The following PPOX variants were observed in gnomAD, a reference collection of about 807,000 sequenced individuals.
PPOX encodes protoporphyrinogen oxidase.
A neutral mutation model predicts 54.1 loss-of-function variants in PPOX; 23 were observed. That is an observed-to-expected ratio of 0.43 (90% CI 0.31 to 0.60). PPOX has a LOEUF of 0.60. PPOX is among the 20% of genes least tolerant of loss of function. The pLI is 0.13. For missense variants in PPOX, 512 were observed against 601.1 expected, an observed-to-expected ratio of 0.85 and a Z score of 1.55; for synonymous variants, 224 against 236.1, an observed-to-expected ratio of 0.95 and a Z score of 0.47.
chr1:161,166,680 C>G lies in PPOX; in HGVS notation c.-9+8C>G. ...CATCCCTACCTATTGTGGGTGAGTC[C>G]TGGCCCCTGGACGGGGACCTCGCTG... On this transcript the variant is annotated splice_region_variant and intron_variant, in intron 1 of 12. Transcript: ENST00000367999. The G allele has an allele frequency of 6.6e-7, 1 of 1,514,024 alleles. No homozygotes were observed. The highest frequency in any genetic ancestry group is 8.8e-7 in the Non-Finnish European group (1 of 1,135,426). 93.8% of individuals were successfully genotyped at this position (1,514,024 alleles called of 1,614,324 possible).
chr1:161,166,844 C>T lies in PPOX; in HGVS notation c.-4C>T, dbSNP rs1342503532. 6.2e-7 allele frequency: 1 copy of T among 1,613,288 alleles called. No homozygotes were observed. Among genetic ancestry groups the T allele is most frequent in the Admixed American group, 1.7e-5 (1 of 60,030 alleles). Reference sequence around the variant, plus strand: ...ATATCGCCCCCTTTCCCCCAGGTTTCCGCATGGGCCGGACCGTGGTCGTGC... The same window carrying T: ...ATATCGCCCCCTTTCCCCCAGGTTTTCGCATGGGCCGGACCGTGGTCGTGC... On this transcript the variant is annotated 5_prime_UTR_variant, in exon 2 of 13. Coordinates refer to ENST00000367999, the MANE Select transcript of PPOX (RefSeq NM_001122764.3).
chr1:161,170,904 C>T lies in PPOX; in HGVS notation c.1249-3C>T, dbSNP rs1369398927. On this transcript the variant is annotated splice_region_variant and splice_polypyrimidine_tract_variant and intron_variant, in intron 11 of 12. Coordinates refer to ENST00000367999, the MANE Select transcript of PPOX (RefSeq NM_001122764.3). ...TTCCCTGCATCCTCTCCTCTCTTCT[C>T]AGAACTGCATTCCCCAGTATACACT... 6.2e-7 allele frequency: 1 copy of T among 1,614,120 alleles called. No homozygotes were observed. Among genetic ancestry groups the T allele is most frequent in the Non-Finnish European group, 8.5e-7 (1 of 1,180,042 alleles).
At chr1:161,168,392 G>A in intron 5 of PPOX, 40 bp from the exon 6 acceptor site, 1 of 1,613,916 alleles carries the variant, frequency 6.2e-7, no homozygotes, top group Non-Finnish European at 8.5e-7. Flanking sequence ...AGTCAGTGTA[G>A]ATTATTTTTT....
chr1:161,172,149 T>G, downstream of PPOX: 1 of 1,611,888 alleles, frequency 6.2e-7, no homozygotes, highest in Non-Finnish European at 8.5e-7. Context: ...TCTAGGGACC[T>G]TTAGGATTTT....
At position 161,170,950 on chromosome 1, in the gene PPOX, G is replaced by A; in HGVS notation, c.1291+1G>A. The A allele has an allele frequency of 6.2e-7, 1 of 1,614,080 alleles. No individual in the cohort carries two copies. The highest frequency in any genetic ancestry group is 8.5e-7 in the Non-Finnish European group (1 of 1,180,038). On this transcript the variant is annotated splice_donor_variant, in intron 12 of 12. Coordinates refer to ENST00000367999, the MANE Select transcript of PPOX (RefSeq NM_001122764.3). LOFTEE classifies it high-confidence loss of function. ...ACACTAGGTCACTGGCAAAAACTAG[G>A]TAAGTTGGGAAAACAGCTGGGCTGA...
At chr1:161,175,143 C>A (rs1398551103), downstream of PPOX, 6 of 1,613,862 alleles carry the variant, frequency 3.7e-6, no homozygotes, top group South Asian at 1.1e-5. Context: ...CAGGGCGGTA[C>A]CGGCCCCCTG....
chr1:161,172,182 T>G (rs766921603), downstream of PPOX: 1 of 1,612,810 alleles, frequency 6.2e-7, no homozygotes, highest in Non-Finnish European at 8.5e-7. Flanking sequence ...TACAGAACCC[T>G]GAGGATCCAG....
At position 161,168,995 on chromosome 1, in the gene PPOX, C is replaced by T. The variant is rs760409720; in HGVS notation, c.619C>T (p.Arg207Trp). The change falls in exon 7 of 13, where the codon CGG (arginine) becomes TGG (tryptophan). Residue 207 changes from arginine to tryptophan, a missense_variant and splice_region_variant. Arg to Trp is a moderately radical substitution (Grantham distance 101). Transcript: ENST00000367999. ...ATTCTTCTTTGCTTCCTCTGCAGGGCGGACCCCACAGCCAGACTCAGCACT... is the reference window on the plus strand; with the variant it reads ...ATTCTTCTTTGCTTCCTCTGCAGGGTGGACCCCACAGCCAGACTCAGCACT... Reference protein sequence around the residue: ...ILLGLLLGAGRTPQPDSALIR... With the variant: ...ILLGLLLGAGWTPQPDSALIR... 25 of 1,613,818 alleles carry T rather than the reference C, an allele frequency of 1.5e-5. No individual in the cohort carries two copies. Among genetic ancestry groups the T allele is most frequent in the Admixed American group, 3.3e-5 (2 of 60,016 alleles).
intron 2 of PPOX, 21 bp from the exon 3 acceptor site, chr1:161,167,079 G>C: frequency 4.3e-6 from 7 of 1,614,198 alleles, no homozygotes; most frequent in Non-Finnish European, 5.9e-6. Context: ...GTGCTGCAGT[G>C]TCTCTCCCTC....
At chr1:161,174,856 C>T (rs765190269), downstream of PPOX, 21 of 863,316 alleles carry the variant, frequency 2.4e-5, no homozygotes, top group African/African-American at 1.4e-4. Context: ...AGAGCAGTGC[C>T]GGGTGCTTCT....
rs1411211850 is a variant in PPOX, at chr1:161,166,447, G to T, written c.-234G>T. ...GAGTGGACGGAGCGTAGGAGAGACC[G>T]AAAAGGCTGGGGGTGGGAGTAGCGG... On this transcript the variant is annotated 5_prime_UTR_variant, in exon 1 of 13. Transcript: ENST00000367999. 9.2e-5 allele frequency: 110 copies of T among 1,196,412 alleles called. No individual in the cohort carries two copies. The highest frequency in any genetic ancestry group is 1.1e-4 in the Non-Finnish European group (109 of 951,512). The allele number at this position is 1,196,412 out of a possible 1,614,324, so 74.1% of individuals were successfully genotyped here. A position where few individuals can be genotyped will look rare whatever the true frequency, so the allele number is the denominator to read the frequency against.
At chr1:161,174,786 G>A (rs560667258), downstream of PPOX, 3 of 593,840 alleles carry the variant, frequency 5.1e-6, no homozygotes, top group Admixed American at 6.4e-5. Flanking sequence ...ACAGGAGAGT[G>A]TAGGACAGTG....
At chr1:161,176,793 A>G (rs1663707511) in intron 4 of PPOX, 25 of 1,455,978 alleles carry the variant, frequency 1.7e-5, no homozygotes, top group Non-Finnish European at 2.1e-5. Context: ...CCACCCCAAC[A>G]GGACAGATTG....
At chr1:161,171,722 C>T, downstream of PPOX, 2 of 1,517,140 alleles carry the variant, frequency 1.3e-6, no homozygotes, top group Non-Finnish European at 1.8e-6. Context: ...GTTCAGTTCC[C>T]TCACATCCCT....
downstream of PPOX, chr1:161,175,329 G>C (rs1571514687): frequency 9.5e-7 from 1 of 1,048,748 alleles, no homozygotes; most frequent in East Asian, 2.6e-5. Flanking sequence ...CTGGTTCTGG[G>C]GCTTAGTTCT....
At chr1:161,169,798 A>G in intron 8 of PPOX, 78 bp downstream of exon 8, 1 of 1,612,932 alleles carries the variant, frequency 6.2e-7, no homozygotes, top group East Asian at 2.2e-5. Context: ...GGTCAGCAGG[A>G]CCACACCATG....
At chr1:161,169,500 T>G (rs1354277115) in intron 7 of PPOX, 160 bp from the exon 8 acceptor site, 1 of 800,802 alleles carries the variant, frequency 1.2e-6, no homozygotes, top group Non-Finnish European at 2.1e-6. Context: ...AATGATTTTT[T>G]GTGAAGTCTA....
At position 161,171,215 on chromosome 1, in the gene PPOX, C is replaced by A. The variant is rs1474033810; in HGVS notation, c.*39C>A. On this transcript the variant is annotated 3_prime_UTR_variant, in exon 13 of 13. Transcript: ENST00000367999. ...TTCATGAAAATAAAAATTGCTGGAGCTTGGCTTGGTCTGGCTGTTCTATCA... is the reference window on the plus strand; with the variant it reads ...TTCATGAAAATAAAAATTGCTGGAGATTGGCTTGGTCTGGCTGTTCTATCA... 1 of 1,612,242 alleles carries A rather than the reference C, an allele frequency of 6.2e-7. No individual in the cohort carries two copies. Among genetic ancestry groups the A allele is most frequent in the African/African-American group, 1.3e-5 (1 of 74,890 alleles).
chr1:161,170,321 T>TGGGGCGCCGCGC, intron 9 of PPOX, 88 bp from the exon 10 acceptor site: 1 of 367,768 alleles, frequency 2.7e-6, no homozygotes, highest in Non-Finnish European at 5.3e-6. Flanking sequence ...TGAGACTCTG[T>TGGGGCGCCGCGC]CCCCCCCACC....
Sources: gnomAD v4.1 joint callset for allele counts on GRCh38, gnomAD v4.1.1 for gene constraint, MANE v1.5 for transcripts, NCBI Gene and HGNC (gene_info 2026-07-23, HGNC 2026-07-21) for gene names.